The following NIM1K variants were observed in gnomAD, a reference collection of about 807,000 sequenced individuals.
NIM1K encodes NIM1 serine/threonine protein kinase, also known as serine/threonine-protein kinase NIM1.
A neutral mutation model predicts 37.1 loss-of-function variants in NIM1K; 35 were observed. The ratio of observed to expected loss-of-function variants is 0.94; its 90% confidence interval spans 0.72 to 1.25. The LOEUF (loss-of-function observed/expected upper bound fraction) is 1.25, where lower values mean the gene tolerates loss of function less well. NIM1K is among the 50% of genes most tolerant of loss of function. The pLI, the probability that NIM1K is intolerant of heterozygous loss-of-function variation, is 0.00. For synonymous variants in NIM1K, 234 were observed against 206.6 expected (o/e 1.13, Z -1.14); for missense variants, 564 against 548.0 (o/e 1.03, Z -0.29).
chr5:43,269,269 C>G (rs1303011679), intron 2 of NIM1K, among the ~76,000 whole-genome samples: 4 of 128,242 alleles, frequency 3.1e-5, no homozygotes, highest in African/African-American at 1.2e-4. Flanking sequence ...AAGATTGCGC[C>G]TTGCTCTCCA....
At chr5:43,219,047 T>G (rs1469112970) in intron 1 of NIM1K, among the ~76,000 whole-genome samples, 2 of 152,138 alleles carry the variant, frequency 1.3e-5, no homozygotes, top group Non-Finnish European at 2.9e-5. Flanking sequence ...TATAAGGGGC[T>G]TTTCCCGCTT....
At chr5:43,269,711 T>C (rs189367010) in intron 2 of NIM1K, among the ~76,000 whole-genome samples, 4,871 of 151,974 alleles carry the variant, frequency 0.032, 289 homozygotes, top group African/African-American at 0.11. Context: ...CTCCGCCTCC[T>C]GGGTTCATGC....
chr5:43,249,602 A>G (rs1408844177), intron 2 of NIM1K, among the ~76,000 whole-genome samples: 1 of 152,196 alleles, frequency 6.6e-6, no homozygotes, highest in Non-Finnish European at 1.5e-5. Flanking sequence ...GATGCCTTTA[A>G]TAGGAATAGG....
intron 2 of NIM1K, among the ~76,000 whole-genome samples, chr5:43,276,095 A>T (rs1453506147): frequency 6.6e-6 from 1 of 152,068 alleles, no homozygotes; most frequent in Non-Finnish European, 1.5e-5. Context: ...GGGTTTCACC[A>T]TGTTGGCCAG....
chr5:43,248,100 A>T (rs1258720336), intron 2 of NIM1K, among the ~76,000 whole-genome samples: 1 of 152,226 alleles, frequency 6.6e-6, no homozygotes, highest in Non-Finnish European at 1.5e-5. Context: ...CTTTAAGTGA[A>T]GGTCAAATTT....
Position 43,264,853 on chromosome 5 carries a change from G to T in NIM1K, c.293-12204G>T, listed in dbSNP as rs142718882. 3.1e-3 allele frequency among the ~76,000 whole-genome samples: 476 copies of T among 152,230 alleles called. 5 individuals are homozygous for T. The highest frequency in any genetic ancestry group is 0.011 in the African/African-American group (456 of 41,548). ...CTCTCAGCATTTTTTGTCTGTAAAG[G>T]ATTTTATTTCTTCTTCACTTATGAA... is the stretch of plus-strand genomic sequence containing the variant. On this transcript the variant is annotated intron_variant, in intron 2 of 3. Coordinates refer to ENST00000326035, the MANE Select transcript of NIM1K (RefSeq NM_153361.4).
At chr5:43,262,087 T>C (rs1753040111) in intron 2 of NIM1K, among the ~76,000 whole-genome samples, 1 of 152,248 alleles carries the variant, frequency 6.6e-6, no homozygotes, top group Non-Finnish European at 1.5e-5. Flanking sequence ...TTCTTGGCAA[T>C]GTGGGCTCTT....
At chr5:43,219,849 AGTG>A (rs1401589595) in intron 1 of NIM1K, among the ~76,000 whole-genome samples, 1 of 408 alleles carries the variant, frequency 2.5e-3, no homozygotes, top group African/African-American at 3.6e-3. Flanking sequence ...CAGCCGCCCG[AGTG>A]AGTAGCTGGG....
intron 1 of NIM1K, among the ~76,000 whole-genome samples, chr5:43,205,922 C>T (rs1752103600): frequency 6.6e-6 from 1 of 152,160 alleles, no homozygotes; most frequent in South Asian, 2.1e-4. Context: ...CTGTGTTAGC[C>T]AGGATGGTCT....
chr5:43,259,979 T>G (rs1336539433), intron 2 of NIM1K, among the ~76,000 whole-genome samples: 1 of 152,138 alleles, frequency 6.6e-6, no homozygotes, highest in Non-Finnish European at 1.5e-5. Flanking sequence ...TGGGATCCAG[T>G]TTTATTCTCC....
At chr5:43,202,773 CAGA>C (rs35915518) in intron 1 of NIM1K, among the ~76,000 whole-genome samples, 58,205 of 151,868 alleles carry the variant, frequency 0.38, 11,859 homozygotes, top group Non-Finnish European at 0.45. Flanking sequence ...CTGGAACGGT[CAGA>C]AGGAGGAAAG....
intron 1 of NIM1K, among the ~76,000 whole-genome samples, chr5:43,218,887 T>A (rs952970179): frequency 6.6e-6 from 1 of 152,096 alleles, no homozygotes; most frequent in Non-Finnish European, 1.5e-5. Context: ...ATGGTTTGGC[T>A]GTGTACCCAC....
chr5:43,213,840 G>A (rs1211004734), intron 1 of NIM1K, among the ~76,000 whole-genome samples: 1 of 151,882 alleles, frequency 6.6e-6, no homozygotes. Context: ...TGTTGGCCAG[G>A]CTGGTCTCAA....
chr5:43,197,768 T>C (rs1416863458), intron 1 of NIM1K, among the ~76,000 whole-genome samples: 1 of 152,212 alleles, frequency 6.6e-6, no homozygotes, highest in Non-Finnish European at 1.5e-5. Flanking sequence ...CCAGATGTTC[T>C]CTTTTGGGCC....
chr5:43,259,073 T>A (rs1752989694), intron 2 of NIM1K, among the ~76,000 whole-genome samples: 1 of 152,214 alleles, frequency 6.6e-6, no homozygotes, highest in Non-Finnish European at 1.5e-5. Flanking sequence ...TCCAAGTTGC[T>A]GCAAAATACA....
intron 2 of NIM1K, among the ~76,000 whole-genome samples, chr5:43,266,137 CT>C (rs1429660921): frequency 1.3e-5 from 2 of 152,210 alleles, no homozygotes; most frequent in Non-Finnish European, 2.9e-5. Context: ...AACCACTACT[CT>C]CTTCAAAGCT....
intron 1 of NIM1K, among the ~76,000 whole-genome samples, chr5:43,230,267 C>T (rs1752518740): frequency 6.7e-6 from 1 of 150,258 alleles, no homozygotes; most frequent in Non-Finnish European, 1.5e-5. Flanking sequence ...CTCGGTGGCT[C>T]TGCAATTCTC....
At chr5:43,192,950 A>G (rs10078527) in intron 1 of NIM1K, 108,804 of 152,086 alleles carry the variant, frequency 0.72, 39,306 homozygotes, top group Middle Eastern at 0.85. Flanking sequence ...GCTGGTGGAG[A>G]GAACTGACAT....
At chr5:43,236,356 C>T (rs904322689) in intron 1 of NIM1K, among the ~76,000 whole-genome samples, 4 of 151,848 alleles carry the variant, frequency 2.6e-5, no homozygotes, top group Non-Finnish European at 5.9e-5. Flanking sequence ...GTGGATTGCA[C>T]CTGTAATCCT....
Sources: gnomAD v4.1 joint callset for allele counts (sites outside exome capture counted in the v4.1 genomes callset) on GRCh38, gnomAD v4.1.1 for gene constraint, MANE v1.5 for transcripts, NCBI Gene and HGNC (gene_info 2026-07-23, HGNC 2026-07-21) for gene names.